Variants in KCNAB1 observed in about 807,000 individuals in gnomAD.
The protein encoded by KCNAB1 is voltage-gated potassium channel subunit beta-1.
KCNAB1 carries 35 observed loss-of-function variants against 64.6 expected under a neutral mutation model. The observed-to-expected ratio is 0.54, with a 90% CI of 0.41 to 0.72. The LOEUF is 0.72. Ranked by LOEUF, KCNAB1 falls within the 30% of genes least tolerant of loss-of-function variation. KCNAB1 has a pLI of 0.00. For synonymous variants in KCNAB1, 177 were observed against 183.8 expected (o/e 0.96, Z 0.30); for missense variants, 401 against 512.9 (o/e 0.78, Z 2.11).
At chr3:156,443,529 T>C (rs1717158749) in intron 2 of KCNAB1, among the ~76,000 whole-genome samples, 1 of 152,060 alleles carries the variant, frequency 6.6e-6, no homozygotes, top group African/African-American at 2.4e-5. Flanking sequence ...GTGAGGAAAA[T>C]AGATGGAATC....
chr3:156,487,432 A>G (rs1715294756), intron 8 of KCNAB1, among the ~76,000 whole-genome samples: 1 of 152,162 alleles, frequency 6.6e-6, no homozygotes, highest in African/African-American at 2.4e-5. Flanking sequence ...GAATTTACCC[A>G]TCATTTCTAA....
chr3:156,265,114 G>A (rs1440877054), intron 1 of KCNAB1, among the ~76,000 whole-genome samples: 1 of 152,098 alleles, frequency 6.6e-6, no homozygotes, highest in Non-Finnish European at 1.5e-5. Flanking sequence ...TCTAGTCCTG[G>A]ACCACCTAAT....
chr3:156,190,941 C>T (rs1478920021), intron 1 of KCNAB1, among the ~76,000 whole-genome samples: 3 of 152,346 alleles, frequency 2.0e-5, no homozygotes, highest in African/African-American at 4.8e-5. Context: ...GATCCACCCA[C>T]CTCAGCCTCC....
intron 1 of KCNAB1, among the ~76,000 whole-genome samples, chr3:156,266,810 T>C (rs780993761): frequency 2.0e-5 from 3 of 152,206 alleles, no homozygotes; most frequent in Non-Finnish European, 2.9e-5. Context: ...ATATTCTGGA[T>C]AGTCTGTCCC....
intron 1 of KCNAB1, among the ~76,000 whole-genome samples, chr3:156,162,377 A>T (rs2108311811): frequency 6.6e-6 from 1 of 152,300 alleles, no homozygotes; most frequent in East Asian, 1.9e-4. Context: ...ACCACCTGCT[A>T]CGTGGAAGAT....
chr3:156,485,079 G>T (rs1042464561), intron 8 of KCNAB1, among the ~76,000 whole-genome samples: 2 of 152,090 alleles, frequency 1.3e-5, no homozygotes, highest in African/African-American at 4.8e-5. Context: ...TGAGGTTGTT[G>T]TTGTTACATA....
At chr3:156,533,271 C>T (rs537118809) in intron 13 of KCNAB1, among the ~76,000 whole-genome samples, 16 of 152,274 alleles carry the variant, frequency 1.1e-4, no homozygotes, top group African/African-American at 3.9e-4. Context: ...ATGTTTATTC[C>T]GAGGGCTTCA....
intron 1 of KCNAB1, among the ~76,000 whole-genome samples, chr3:156,258,932 A>G (rs558716052): frequency 2.6e-5 from 4 of 152,352 alleles, no homozygotes; most frequent in South Asian, 2.1e-4. Context: ...CATGCAGAAC[A>G]TAACAGACAA....
At position 156,421,871 on chromosome 3, in the gene KCNAB1, G is replaced by A. The variant is rs116501907; in HGVS notation, c.319+212G>A. ...TGTTCATGATTCCTTATAGGGGCCC[G>A]TCGAGCATAAGGCAACCTGATGCTA... On this transcript the variant is annotated intron_variant, in intron 2 of 13. Coordinates refer to ENST00000490337, the MANE Select transcript of KCNAB1 (RefSeq NM_172160.3). Among the ~76,000 whole-genome samples, 20 of 152,156 alleles carry A rather than the reference G, an allele frequency of 1.3e-4. No homozygotes were observed. The East Asian group carries it at 2.9e-3, about 22-fold the overall frequency.
rs200188528 is a variant in KCNAB1 at position 156,425,468 on chromosome 3, A to G, written c.319+3809A>G. On this transcript the variant is annotated intron_variant, in intron 2 of 13. Coordinates refer to ENST00000490337, the MANE Select transcript of KCNAB1 (RefSeq NM_172160.3). The stretch of plus-strand genomic sequence containing the variant: ...AAAAAATATTAATATTATGTGGCCA[A>G]TCCTACCTGTGGGTTGCTGTGGCTT... Among the ~76,000 whole-genome samples the G allele has an allele frequency of 1.3e-4, 20 of 152,252 alleles. No individual in the cohort carries two copies. The East Asian group carries it at 2.9e-3, about 22-fold the overall frequency.
chr3:156,297,065 G>A (rs1360376761), intron 1 of KCNAB1, among the ~76,000 whole-genome samples: 1 of 152,026 alleles, frequency 6.6e-6, no homozygotes, highest in Non-Finnish European at 1.5e-5. Flanking sequence ...GTATAGATTT[G>A]TGTAACCACC....
At chr3:156,480,540 T>TAA (rs112797257) in intron 8 of KCNAB1, among the ~76,000 whole-genome samples, 1 of 143,684 alleles carries the variant, frequency 7.0e-6, no homozygotes, top group South Asian at 2.2e-4. Flanking sequence ...GAACTTAAAG[T>TAA]AAAAAAAAAA....
chr3:156,457,666 C>T, intron 4 of KCNAB1, 134 bp downstream of exon 4: 1 of 732,138 alleles, frequency 1.4e-6, no homozygotes, highest in East Asian at 2.6e-5. Flanking sequence ...CTGTTCTGCC[C>T]TCTACCACCA....
At chr3:156,314,672 T>C (rs1451590539) in intron 1 of KCNAB1, among the ~76,000 whole-genome samples, 1 of 152,232 alleles carries the variant, frequency 6.6e-6, no homozygotes, top group Non-Finnish European at 1.5e-5. Flanking sequence ...ATATGACAAG[T>C]GCATAGGTGA....
At chr3:156,428,406 T>G (rs895647208) in intron 2 of KCNAB1, among the ~76,000 whole-genome samples, 7 of 151,894 alleles carry the variant, frequency 4.6e-5, no homozygotes, top group Non-Finnish European at 7.4e-5. Context: ...TTAACTCCTT[T>G]GAGTCTCTAA....
At chr3:156,374,393 G>GGGTTTA (rs1390569172) in intron 1 of KCNAB1, among the ~76,000 whole-genome samples, 4 of 85,220 alleles carry the variant, frequency 4.7e-5, no homozygotes, top group African/African-American at 2.6e-4. Flanking sequence ...ATGAATTCCT[G>GGGTTTA]AGCTATTTCA....
Position 156,286,851 on chromosome 3 carries a change from AG to A in KCNAB1, c.276-134763del, listed in dbSNP as rs373785850. The stretch of plus-strand genomic sequence containing the variant: ...GGGTAAGAACCAAGTCTCTGGAGGT[AG>A]GCTGCCTCAAGTTAAATTGTAGTGT... On this transcript the variant is annotated intron_variant, in intron 1 of 13. Transcript: ENST00000490337. 1.4e-3 allele frequency among the ~76,000 whole-genome samples: 213 copies of A among 152,332 alleles called. 2 individuals carry two copies. Among genetic ancestry groups the A allele is most frequent in the Admixed American group, 0.012 (178 of 15,298 alleles).
chr3:156,464,485 AAATAAT>A (rs796291673), intron 6 of KCNAB1, among the ~76,000 whole-genome samples: 21 of 147,718 alleles, frequency 1.4e-4, no homozygotes, highest in Admixed American at 1.1e-3. Flanking sequence ...AATCGCAAAA[AAATAAT>A]AATAATAATA....
chr3:156,482,920 T>C (rs529412613), intron 8 of KCNAB1, among the ~76,000 whole-genome samples: 1 of 152,226 alleles, frequency 6.6e-6, no homozygotes, highest in African/African-American at 2.4e-5. Flanking sequence ...CAGGTTATCC[T>C]AGAGGTCTCA....
Sources: allele counts gnomAD v4.1 joint callset (sites outside exome capture counted in the v4.1 genomes callset), GRCh38; gene constraint gnomAD v4.1.1; transcripts MANE v1.5; gene names NCBI Gene and HGNC (gene_info 2026-07-23, HGNC 2026-07-21).